Variants in ZNF280C observed in about 807,000 individuals in gnomAD.
ZNF280C encodes suppressor of hairy wing homolog 3.
In ZNF280C, 14 loss-of-function variants were observed where a neutral mutation model predicts 53.6. The observed-to-expected ratio is 0.26, with a 90% CI of 0.17 to 0.41. The LOEUF is 0.41. Among genes scored for constraint, ZNF280C ranks in the 10% least tolerant of loss-of-function variants. ZNF280C has a pLI of 1.00. For missense variants in ZNF280C, 416 were observed against 547.1 expected (o/e 0.76, Z 2.39); for synonymous variants, 203 against 181.1 (o/e 1.12, Z -0.97).
chrX:130,257,042 C>T (rs1186320468), intron 2 of ZNF280C, among the ~76,000 whole-genome samples: 1 of 107,100 alleles, frequency 9.3e-6, no homozygotes, highest in Non-Finnish European at 1.9e-5. Flanking sequence ...CTACTAAAAA[C>T]ACAAAAAAAT....
At chrX:130,243,463 G>A (rs1000702102) in intron 5 of ZNF280C, 100 bp downstream of exon 5, 2 of 962,202 alleles carry the variant, frequency 2.1e-6, no homozygotes, top group Non-Finnish European at 2.9e-6. Context: ...AAGATTACAG[G>A]CGTGAGCCAC....
At chrX:130,259,431 T>A (rs886535596) in intron 2 of ZNF280C, among the ~76,000 whole-genome samples, 4 of 112,303 alleles carry the variant, frequency 3.6e-5, no homozygotes, top group African/African-American at 1.3e-4. Context: ...AATAAATAGG[T>A]CTTCCCCATT....
chrX:130,255,025 TA>T (rs1190062528), intron 2 of ZNF280C, among the ~76,000 whole-genome samples: 1,669 of 87,544 alleles, frequency 0.019, 20 homozygotes, highest in African/African-American at 0.045. Context: ...AAAATTCAGT[TA>T]AAAAAAAAAA....
chrX:130,260,686 A>T (rs970918937), intron 1 of ZNF280C, among the ~76,000 whole-genome samples: 1 of 112,168 alleles, frequency 8.9e-6, no homozygotes, highest in African/African-American at 3.2e-5. Flanking sequence ...TTAAATGCAC[A>T]TAAATTTAGT....
At chrX:130,205,186 C>T (rs781421981) in intron 17 of ZNF280C, 33 bp from the exon 18 acceptor site, 2 of 1,166,083 alleles carry the variant, frequency 1.7e-6, no homozygotes, top group Non-Finnish European at 2.3e-6. Context: ...TTTACAATAG[C>T]ATATATGAAG....
Position 130,204,845 on chromosome X carries a change from GAAT to G in ZNF280C, c.*129_*131del, listed in dbSNP as rs369127657. On this transcript the variant is annotated 3_prime_UTR_variant, in exon 19 of 19. Transcript: ENST00000370978. ...TGGCATCTGAAAGCTGAAAAGAGCT[GAAT>G]AATGAGAGCTAGTGTCATAAACTTG... The G allele has an allele frequency of 1.2e-3, 575 of 488,442 alleles. 4 individuals are homozygous for G. The Middle Eastern group carries it at 0.015, about 13-fold the overall frequency. The allele number at this position is 488,442 out of a possible 1,213,427, so 40.3% of individuals were successfully genotyped here. A position where few individuals can be genotyped will look rare whatever the true frequency, so the allele number is the denominator to read the frequency against.
chrX:130,211,608 A>G (rs2032041876), intron 15 of ZNF280C, among the ~76,000 whole-genome samples: 1 of 111,634 alleles, frequency 9.0e-6, no homozygotes, highest in East Asian at 2.8e-4. Context: ...GTAGGGGAAA[A>G]GCAAAGGGAC....
At chrX:130,230,865 T>C (rs771908341) in intron 8 of ZNF280C, 138 bp from the exon 9 acceptor site, 20 of 350,356 alleles carry the variant, frequency 5.7e-5, no homozygotes, top group African/African-American at 1.9e-4. Flanking sequence ...CTGACCAAAA[T>C]TGTGGCTTCC....
chrX:130,223,229 T>A (rs2032188082), intron 12 of ZNF280C, among the ~76,000 whole-genome samples: 2 of 110,738 alleles, frequency 1.8e-5, no homozygotes, highest in South Asian at 7.7e-4. Flanking sequence ...GCTAATTTTT[T>A]TTATTTTTAG....
chrX:130,245,784 C>CTTTTTT (rs72420800), intron 3 of ZNF280C, among the ~76,000 whole-genome samples: 1 of 103,454 alleles, frequency 9.7e-6, no homozygotes, highest in Admixed American at 1.1e-4. Context: ...TATTTGAGGA[C>CTTTTTT]TTTTTTTTTT....
chrX:130,266,384 C>T (rs1266855861), intron 1 of ZNF280C, among the ~76,000 whole-genome samples: 1 of 111,071 alleles, frequency 9.0e-6, no homozygotes, highest in African/African-American at 3.3e-5. Context: ...TCCAAGAGTA[C>T]GAAGTTTAAT....
intron 12 of ZNF280C, among the ~76,000 whole-genome samples, chrX:130,222,519 G>A (rs777989021): frequency 3.6e-5 from 4 of 111,975 alleles, no homozygotes; most frequent in Non-Finnish European, 7.5e-5. Flanking sequence ...CTAGTTCAAA[G>A]TGTCTGCCAT....
chrX:130,256,853 AC>A (rs2032578130), intron 2 of ZNF280C, among the ~76,000 whole-genome samples: 1 of 106,845 alleles, frequency 9.4e-6, no homozygotes, highest in Admixed American at 1.0e-4. Context: ...AGTTGAGATC[AC>A]GCCACTGCAC....
chrX:130,236,252 G>C lies in ZNF280C; in HGVS notation c.733C>G (p.Gln245Glu). ...TTCAAAGGATCCAAAAGATTGAACT[G>C]AACATTGCACTTTGGACAAGCTCTT... is the stretch of plus-strand genomic sequence containing the variant. ...YLRACPKCNV[Q>E]FNLLDPLKYH... The change falls in exon 8 of 19, where the codon CAG becomes GAG. Residue 245 changes from glutamine to glutamate, a missense_variant. Coordinates refer to ENST00000370978, the MANE Select transcript of ZNF280C (RefSeq NM_017666.5). The C allele has an allele frequency of 3.3e-6, 4 of 1,207,219 alleles. No individual in the cohort carries two copies.
intron 8 of ZNF280C, among the ~76,000 whole-genome samples, chrX:130,231,160 A>G (rs1051859799): frequency 1.3e-4 from 14 of 111,941 alleles, no homozygotes; most frequent in Non-Finnish European, 5.6e-5. Context: ...GGAGATTCTC[A>G]AAGAACTAAA....
Position 130,202,917 on chromosome X carries a change from C to T in ZNF280C, c.*2060G>A, listed in dbSNP as rs780938060. 33 of 111,514 alleles carry T rather than the reference C, an allele frequency of 3.0e-4. No individual in the cohort carries two copies. The highest frequency in any genetic ancestry group is 1.0e-3 in the African/African-American group (32 of 30,761). The allele number at this position is 111,514 out of a possible 1,213,427, so 9.2% of individuals were successfully genotyped here. ...TCCCAATATTTTTTGAATATATTAT[C>T]TTTATCCAGAGGAATTACATTAATG... On this transcript the variant is annotated 3_prime_UTR_variant, in exon 19 of 19. Coordinates refer to ENST00000370978, the MANE Select transcript of ZNF280C (RefSeq NM_017666.5).
intron 5 of ZNF280C, among the ~76,000 whole-genome samples, chrX:130,243,337 C>G (rs940444602): frequency 9.0e-6 from 1 of 111,438 alleles, no homozygotes; most frequent in Non-Finnish European, 1.9e-5. Context: ...TGGTGCACCA[C>G]TATGCCCAGC....
At chrX:130,257,088 C>T (rs2032581719) in intron 2 of ZNF280C, among the ~76,000 whole-genome samples, 1 of 103,725 alleles carries the variant, frequency 9.6e-6, no homozygotes, top group Non-Finnish European at 2.0e-5. Flanking sequence ...GTAGTCCCAG[C>T]TACTCGGGAG....
intron 2 of ZNF280C, among the ~76,000 whole-genome samples, chrX:130,248,664 G>T (rs1473012954): frequency 9.0e-6 from 1 of 111,667 alleles, no homozygotes; most frequent in Non-Finnish European, 1.9e-5. Context: ...GCCCCAGTCT[G>T]CCCATTCCCT....
Sources: gnomAD v4.1 joint callset for allele counts (sites outside exome capture counted in the v4.1 genomes callset) on GRCh38, gnomAD v4.1.1 for gene constraint, MANE v1.5 for transcripts, NCBI Gene and HGNC (gene_info 2026-07-23, HGNC 2026-07-21) for gene names.